TANC2: variants seen among roughly 807,000 people sequenced by gnomAD.
The protein encoded by TANC2 is tetratricopeptide repeat, ankyrin repeat and coiled-coil containing 2.
In TANC2, 26 loss-of-function variants were observed where a neutral mutation model predicts 210.5. That is an observed-to-expected ratio of 0.12 (90% confidence interval 0.09 to 0.17). The LOEUF is 0.17. Among genes scored for constraint, TANC2 ranks in the 10% least tolerant of loss-of-function variants. The pLI is 1.00. For missense variants in TANC2, 2,129 were observed against 2,608.9 expected (o/e 0.82, Z 4.01); for synonymous variants, 931 against 967.1 (o/e 0.96, Z 0.69).
intron 26 of TANC2, among the ~76,000 whole-genome samples, chr17:63,415,882 T>TACTTTGCAGCTTTCTG (rs1409989723): frequency 6.6e-6 from 1 of 152,228 alleles, no homozygotes; most frequent in African/African-American, 2.4e-5. Context: ...ATGCTGCGAG[T>TACTTTGCAGCTTTCTG]ACTTTGCAGC....
In TANC2 at chr17:63,420,371, T is replaced by C. The variant is rs769054824; in HGVS notation, c.4641T>C (p.His1547=). ...TCTCCAGCTCACCTCTTGGCTCTCA[T>C]CAGGTTTTTGACTTCCGGTCCAGTA... The change falls in exon 28 of 28, where the codon CAT becomes CAC. Residue 1547 remains histidine (H), a synonymous_variant. Transcript: ENST00000689528. The surrounding 1 kb of genome is among the most constrained non-coding windows in gnomAD (Gnocchi z 4.2). 1.1e-5 allele frequency: 17 copies of C among 1,613,916 alleles called. No individual in the cohort carries two copies. The highest frequency in any genetic ancestry group is 3.3e-5 in the Admixed American group (2 of 60,022).
At chr17:63,140,076 A>T (rs2039232054) in intron 4 of TANC2, among the ~76,000 whole-genome samples, 1 of 152,226 alleles carries the variant, frequency 6.6e-6, no homozygotes, top group Non-Finnish European at 1.5e-5. Flanking sequence ...GAAACTTTAT[A>T]CTACTAGTCA....
At chr17:63,157,336 A>G (rs1180234670) in intron 5 of TANC2, among the ~76,000 whole-genome samples, 1 of 151,808 alleles carries the variant, frequency 6.6e-6, no homozygotes, top group Non-Finnish European at 1.5e-5. Flanking sequence ...ACTAACTTTT[A>G]GATAACTTTT....
chr17:63,076,607 A>G (rs1476209609), intron 3 of TANC2, among the ~76,000 whole-genome samples: 2 of 152,166 alleles, frequency 1.3e-5, no homozygotes, highest in Admixed American at 1.3e-4. Flanking sequence ...AACTCTCTAA[A>G]TGTATGAAAG....
intron 7 of TANC2, among the ~76,000 whole-genome samples, chr17:63,220,828 A>G (rs1000469311): frequency 1.3e-5 from 2 of 148,788 alleles, no homozygotes; most frequent in African/African-American, 4.9e-5. Flanking sequence ...ATACGTGTAT[A>G]TGTATATATG....
chr17:63,172,326 C>T (rs1004664075), intron 5 of TANC2, among the ~76,000 whole-genome samples: 5 of 151,620 alleles, frequency 3.3e-5, no homozygotes, highest in Non-Finnish European at 5.9e-5. Flanking sequence ...GGATTACAGG[C>T]GCCCGCCACC....
In TANC2 at chr17:63,073,861, G is replaced by A. The variant is rs573967423; in HGVS notation, c.68-82G>A. 2.2e-5 allele frequency: 25 copies of A among 1,154,476 alleles called. No individual in the cohort carries two copies. In the South Asian group the frequency reaches 3.4e-4, roughly 16 times the overall value. The allele number at this position is 1,154,476 out of a possible 1,614,324, so 71.5% of individuals were successfully genotyped here. A position where few individuals can be genotyped will look rare whatever the true frequency, so the allele number is the denominator to read the frequency against. On this transcript the variant is annotated intron_variant, in intron 2 of 27. Coordinates refer to ENST00000689528, the Ensembl canonical transcript of TANC2. The stretch of plus-strand genomic sequence containing the variant: ...ATACAAATAAATGATCGATATAGTA[G>A]TTTTAAATGTAGATAATGTCAGAGA...
At chr17:63,232,044 A>G (rs548712307) in intron 7 of TANC2, among the ~76,000 whole-genome samples, 1 of 152,044 alleles carries the variant, frequency 6.6e-6, no homozygotes, top group South Asian at 2.1e-4. Flanking sequence ...CACTTTGTCT[A>G]CTTGGTTGTT....
chr17:63,171,935 A>G (rs1263171498), intron 5 of TANC2, among the ~76,000 whole-genome samples: 1 of 152,200 alleles, frequency 6.6e-6, no homozygotes, highest in African/African-American at 2.4e-5. Context: ...GTGTAGAAGT[A>G]AAACTTCCAT....
intron 5 of TANC2, among the ~76,000 whole-genome samples, chr17:63,173,576 G>A (rs903060004): frequency 3.3e-5 from 5 of 152,130 alleles, no homozygotes; most frequent in African/African-American, 1.2e-4. Flanking sequence ...TCCAGTTAGC[G>A]CATATCTGAA....
chr17:63,331,920 C>T (rs552100037), intron 11 of TANC2: 151 of 210,282 alleles, frequency 7.2e-4, no homozygotes, highest in African/African-American at 2.3e-3. Flanking sequence ...GACTTCTCTC[C>T]ATTTGGCGGT....
chr17:63,156,084 T>C (rs2039826725), intron 5 of TANC2, among the ~76,000 whole-genome samples: 1 of 152,192 alleles, frequency 6.6e-6, no homozygotes, highest in Non-Finnish European at 1.5e-5. Context: ...CCATGCTTCT[T>C]TGGTTTTGCT....
intron 15 of TANC2, among the ~76,000 whole-genome samples, chr17:63,382,772 A>G (rs574431455): frequency 1.3e-5 from 2 of 152,306 alleles, no homozygotes; most frequent in African/African-American, 4.8e-5. Context: ...CTTCTCATCT[A>G]TATTTTACAC....
At chr17:63,302,763 A>G (rs1052401937) in intron 9 of TANC2, among the ~76,000 whole-genome samples, 2 of 151,170 alleles carry the variant, frequency 1.3e-5, no homozygotes, top group African/African-American at 4.9e-5. Flanking sequence ...AGTCTGTGTC[A>G]GGTTTTTTGT....
chr17:63,342,717 A>T (rs532975139), intron 12 of TANC2, among the ~76,000 whole-genome samples: 6 of 152,290 alleles, frequency 3.9e-5, no homozygotes, highest in Admixed American at 3.3e-4. Context: ...CGGAGCTTGC[A>T]GTGAGCCAAG....
intron 20 of TANC2, 115 bp downstream of exon 20, chr17:63,405,370 G>A: frequency 8.3e-7 from 1 of 1,210,036 alleles, no homozygotes; most frequent in Non-Finnish European, 1.1e-6. Flanking sequence ...GCAGTGATCA[G>A]GTTTGAGGAC....
chr17:63,075,770 C>T (rs184147202), intron 3 of TANC2, among the ~76,000 whole-genome samples: 164 of 152,176 alleles, frequency 1.1e-3, no homozygotes, highest in African/African-American at 3.7e-3. Flanking sequence ...CCATTCACCT[C>T]ACCCTCCCAA....
At chr17:63,122,582 C>A (rs1214352346) in intron 4 of TANC2, among the ~76,000 whole-genome samples, 7 of 151,912 alleles carry the variant, frequency 4.6e-5, no homozygotes, top group African/African-American at 1.7e-4. Context: ...ACTAAAAATA[C>A]AAAACTTAGC....
chr17:63,202,164 A>G (rs1025743047), intron 7 of TANC2, among the ~76,000 whole-genome samples: 1 of 152,168 alleles, frequency 6.6e-6, no homozygotes, highest in Admixed American at 6.6e-5. Context: ...ACATTATTCT[A>G]TACCATTGTC....
Sources: gnomAD v4.1 joint callset for allele counts (sites outside exome capture counted in the v4.1 genomes callset) on GRCh38, gnomAD v4.1.1 for gene constraint, Gnocchi (gnomAD v3.1) non-coding constraint, MANE v1.5 for transcripts, NCBI Gene and HGNC (gene_info 2026-07-23, HGNC 2026-07-21) for gene names.